IQCM: variants seen among roughly 807,000 people sequenced by gnomAD.
The protein encoded by IQCM is IQ motif containing M.
IQCM carries 45 observed loss-of-function variants against 57.6 expected under a neutral mutation model. The observed-to-expected ratio is 0.78, with a 90% CI of 0.62 to 1.00. The LOEUF (loss-of-function observed/expected upper bound fraction) is 1.00, where lower values mean the gene tolerates loss of function less well. IQCM is among the 50% of genes least tolerant of loss of function. The pLI, the probability that IQCM is intolerant of heterozygous loss-of-function variation, is 0.00. For missense variants in IQCM, 468 were observed against 511.6 expected, an observed-to-expected ratio of 0.91 and a Z score of 0.82; for synonymous variants, 148 against 158.9, an observed-to-expected ratio of 0.93 and a Z score of 0.51.
At chr4:149,491,953 T>G (rs985914721) in intron 12 of IQCM, among the ~76,000 whole-genome samples, 3 of 152,110 alleles carry the variant, frequency 2.0e-5, no homozygotes, top group Admixed American at 1.3e-4. Context: ...GCCATCTTAA[T>G]AGGTGTAAGC....
In IQCM at chr4:149,772,234, C is replaced by A. The variant is rs530874166; in HGVS notation, c.-48-29495G>T. Reference sequence around the variant, plus strand: ...ACAGTAGTAAACAATGTAAACAGAACCACTAATAGTTCATAAATAAATGGA... The same window carrying A: ...ACAGTAGTAAACAATGTAAACAGAAACACTAATAGTTCATAAATAAATGGA... On this transcript the variant is annotated intron_variant, in intron 2 of 13. Transcript: ENST00000636793. Among the ~76,000 whole-genome samples, 8 of 137,732 alleles carry A rather than the reference C, an allele frequency of 5.8e-5. No individual in the cohort carries two copies. The South Asian group carries it at 1.6e-3, about 27-fold the overall frequency. 90.4% of individuals were successfully genotyped at this position (137,732 alleles called of 152,430 possible).
chr4:149,445,964 A>G lies in IQCM; in HGVS notation c.1229-12407T>C, dbSNP rs544074798. ...CTCCCAAGAGGTTTAGATCAGCATT[A>G]CAAACTAAAGAATAACGTCTACTTC... On this transcript the variant is annotated intron_variant, in intron 12 of 13. Transcript: ENST00000636793. 2.6e-5 allele frequency among the ~76,000 whole-genome samples: 4 copies of G among 151,898 alleles called. No homozygotes were observed. In the South Asian group the frequency reaches 8.3e-4, roughly 31 times the overall value.
At chr4:149,526,575 T>C (rs1191745515) in intron 12 of IQCM, among the ~76,000 whole-genome samples, 1 of 152,116 alleles carries the variant, frequency 6.6e-6, no homozygotes, top group Non-Finnish European at 1.5e-5. Flanking sequence ...AAATTTAATC[T>C]AGACAAATGA....
Position 149,677,382 on chromosome 4 carries a change from G to T in IQCM, c.565+4736C>A, listed in dbSNP as rs1366345152. Among the ~76,000 whole-genome samples, 3 of 152,048 alleles carry T rather than the reference G, an allele frequency of 2.0e-5. No homozygotes were observed. The East Asian group carries it at 5.8e-4, about 29-fold the overall frequency. ...TTTGCCAGCCTATCCCACTGCTGAG[G>T]TATCCCCATTGGGACTTCCTGCACT... is the stretch of plus-strand genomic sequence containing the variant. On this transcript the variant is annotated intron_variant, in intron 7 of 13. Transcript: ENST00000636793.
chr4:149,758,989 C>T (rs746304494), intron 2 of IQCM, among the ~76,000 whole-genome samples: 34 of 151,290 alleles, frequency 2.2e-4, no homozygotes, highest in Non-Finnish European at 4.6e-4. Context: ...CACATAAAAG[C>T]CTGCATATGA....
At chr4:149,543,856 A>T (rs1003259132) in intron 12 of IQCM, among the ~76,000 whole-genome samples, 3 of 152,216 alleles carry the variant, frequency 2.0e-5, no homozygotes, top group Admixed American at 6.5e-5. Context: ...AAAGTCACTT[A>T]AACAACCTAA....
chr4:149,406,579 A>C (rs1265357602), intron 13 of IQCM, among the ~76,000 whole-genome samples: 1 of 152,144 alleles, frequency 6.6e-6, no homozygotes, highest in African/African-American at 2.4e-5. Flanking sequence ...TAAGGACTTT[A>C]GTCTCTATTC....
chr4:149,678,603 T>C (rs1385241747), intron 7 of IQCM, among the ~76,000 whole-genome samples: 1 of 151,206 alleles, frequency 6.6e-6, no homozygotes, highest in Non-Finnish European at 1.5e-5. Context: ...AACCCACTGG[T>C]AAAATTAAGT....
chr4:149,765,876 C>T (rs1769997280), intron 2 of IQCM, among the ~76,000 whole-genome samples: 1 of 151,952 alleles, frequency 6.6e-6, no homozygotes. Context: ...ACTGATTCAA[C>T]CAGTCCAGTG....
intron 12 of IQCM, among the ~76,000 whole-genome samples, chr4:149,506,989 A>G (rs888211097): frequency 6.6e-6 from 1 of 152,112 alleles, no homozygotes; most frequent in African/African-American, 2.4e-5. Flanking sequence ...AGTGGAAGGG[A>G]CCTGGGGGCA....
At chr4:149,589,353 T>A (rs537349329) in intron 8 of IQCM, among the ~76,000 whole-genome samples, 12 of 152,122 alleles carry the variant, frequency 7.9e-5, no homozygotes, top group Admixed American at 2.6e-4. Context: ...ATTTTAGTTT[T>A]GCATTTTAAG....
At chr4:149,403,444 T>G (rs998866375) in intron 13 of IQCM, among the ~76,000 whole-genome samples, 1 of 152,000 alleles carries the variant, frequency 6.6e-6, no homozygotes, top group African/African-American at 2.4e-5. Flanking sequence ...ATGTTTTAGT[T>G]TAAAGGATCT....
At chr4:149,693,621 A>T (rs1580017589) in intron 5 of IQCM, among the ~76,000 whole-genome samples, 1 of 152,124 alleles carries the variant, frequency 6.6e-6, no homozygotes, top group East Asian at 1.9e-4. Context: ...CATCCTCCAT[A>T]CTTTCCATAA....
At chr4:149,729,440 C>T (rs1415251592) in intron 5 of IQCM, among the ~76,000 whole-genome samples, 1 of 151,232 alleles carries the variant, frequency 6.6e-6, no homozygotes, top group East Asian at 1.9e-4. Context: ...ACAATAACCA[C>T]ACTCAAAGTC....
At chr4:149,734,132 AG>A (rs1248954498) in intron 4 of IQCM, among the ~76,000 whole-genome samples, 1 of 152,146 alleles carries the variant, frequency 6.6e-6, no homozygotes, top group Non-Finnish European at 1.5e-5. Context: ...CTACACACAG[AG>A]AGAGCTATAG....
intron 12 of IQCM, 49 bp from the exon 13 acceptor site, chr4:149,433,606 G>T: frequency 1.4e-6 from 1 of 727,404 alleles, no homozygotes; most frequent in Non-Finnish European, 1.9e-6. Flanking sequence ...TTTACAGACT[G>T]TCATACTTGC....
chr4:149,653,360 C>T (rs1759361685), intron 7 of IQCM, among the ~76,000 whole-genome samples: 1 of 152,124 alleles, frequency 6.6e-6, no homozygotes, highest in African/African-American at 2.4e-5. Flanking sequence ...AGCAGCTACA[C>T]AGCATTAAAC....
chr4:149,427,537 T>A (rs1406134078), intron 13 of IQCM, among the ~76,000 whole-genome samples: 1 of 151,990 alleles, frequency 6.6e-6, no homozygotes, highest in Non-Finnish European at 1.5e-5. Context: ...AAAAATGGAA[T>A]TCACATAGAA....
intron 5 of IQCM, among the ~76,000 whole-genome samples, chr4:149,687,556 A>G (rs1444683003): frequency 5.9e-5 from 9 of 151,840 alleles, no homozygotes; most frequent in African/African-American, 2.2e-4. Flanking sequence ...TCATTCTGAC[A>G]CTACTCCACA....
Sources: gnomAD v4.1 joint callset for allele counts (sites outside exome capture counted in the v4.1 genomes callset) on GRCh38, gnomAD v4.1.1 for gene constraint, MANE v1.5 for transcripts, NCBI Gene and HGNC (gene_info 2026-07-23, HGNC 2026-07-21) for gene names.